FBXL20: variants seen among roughly 807,000 people sequenced by gnomAD.
FBXL20 encodes F-box and leucine rich repeat protein 20, also known as F-box/LRR-repeat protein 20.
Under a neutral mutation model 64.0 loss-of-function variants are expected in FBXL20, and 11 were observed. The observed-to-expected ratio is 0.17, with a 90% CI of 0.11 to 0.28. The LOEUF is 0.28. FBXL20 is among the 10% of genes least tolerant of loss of function. The pLI is 1.00. For missense variants in FBXL20, 303 were observed against 526.2 expected, an observed-to-expected ratio of 0.58 and a Z score of 4.15; for synonymous variants, 184 against 189.0, an observed-to-expected ratio of 0.97 and a Z score of 0.22.
chr17:39,288,006 C>A (rs1018647150), intron 6 of FBXL20, among the ~76,000 whole-genome samples: 1 of 150,284 alleles, frequency 6.7e-6, no homozygotes, highest in African/African-American at 2.5e-5. Flanking sequence ...CTCTGTCACC[C>A]GGGCTGGAGT....
chr17:39,300,166 T>C (rs1162175245), intron 4 of FBXL20, among the ~76,000 whole-genome samples: 1 of 152,174 alleles, frequency 6.6e-6, no homozygotes, highest in Non-Finnish European at 1.5e-5. Flanking sequence ...TTTACATCCA[T>C]GAAGGGTATA....
intron 2 of FBXL20, among the ~76,000 whole-genome samples, chr17:39,309,165 T>C (rs758985433): frequency 6.6e-6 from 1 of 152,230 alleles, no homozygotes; most frequent in Non-Finnish European, 1.5e-5. Context: ...AAAAGTTACT[T>C]TGCACACAAA....
intron 2 of FBXL20, among the ~76,000 whole-genome samples, chr17:39,311,778 C>G (rs2047237307): frequency 6.6e-6 from 1 of 152,150 alleles, no homozygotes; most frequent in Non-Finnish European, 1.5e-5. Flanking sequence ...AACTCCTGAG[C>G]AATTTTTATA....
intron 1 of FBXL20, among the ~76,000 whole-genome samples, chr17:39,371,485 G>C (rs1049319697): frequency 6.6e-6 from 1 of 151,756 alleles, no homozygotes; most frequent in African/African-American, 2.4e-5. Flanking sequence ...GAAGGAGATG[G>C]GGAACTACAC....
chr17:39,274,912 T>C (rs1326482307), intron 10 of FBXL20, 58 bp downstream of exon 10: 2 of 1,603,512 alleles, frequency 1.2e-6, no homozygotes, highest in Non-Finnish European at 8.5e-7. Flanking sequence ...AAGGAAGAAA[T>C]ATGGGTGAAG....
intron 5 of FBXL20, among the ~76,000 whole-genome samples, chr17:39,297,697 C>T (rs2047098624): frequency 1.3e-5 from 2 of 152,074 alleles, no homozygotes; most frequent in South Asian, 4.1e-4. Flanking sequence ...ACCTCAGCCT[C>T]CCTAAATGCT....
At chr17:39,402,484 C>T (rs955713378), upstream of FBXL20, 55 of 183,308 alleles carry the variant, frequency 3.0e-4, no homozygotes, top group African/African-American at 1.3e-3. Flanking sequence ...GGCCGGGGGT[C>T]GGGGGTGCAG....
chr17:39,380,986 C>A (rs951495879), intron 1 of FBXL20, among the ~76,000 whole-genome samples: 1 of 151,732 alleles, frequency 6.6e-6, no homozygotes, highest in African/African-American at 2.4e-5. Flanking sequence ...ATGGTGAAAC[C>A]CCGTCTCTAC....
chr17:39,317,029 A>G (rs894122319), intron 2 of FBXL20, among the ~76,000 whole-genome samples: 5 of 152,194 alleles, frequency 3.3e-5, no homozygotes, highest in Non-Finnish European at 7.4e-5. Context: ...AACCAAACAT[A>G]AGATGTTCTT....
intron 1 of FBXL20, among the ~76,000 whole-genome samples, chr17:39,349,584 C>T (rs2047667709): frequency 6.6e-6 from 1 of 150,608 alleles, no homozygotes; most frequent in South Asian, 2.1e-4. Context: ...GAGACCCCAC[C>T]TCTGGAAAAA....
intron 1 of FBXL20, among the ~76,000 whole-genome samples, chr17:39,343,695 CTTTTT>C (rs66827882): frequency 1.5e-5 from 2 of 134,596 alleles, no homozygotes; most frequent in Non-Finnish European, 1.6e-5. Flanking sequence ...GGCGAAAACT[CTTTTT>C]TTTTTTTTTT....
chr17:39,333,717 C>T (rs926883043), intron 2 of FBXL20, among the ~76,000 whole-genome samples: 3 of 151,842 alleles, frequency 2.0e-5, no homozygotes, highest in Non-Finnish European at 4.4e-5. Context: ...TCTGCCCGGC[C>T]GCCCATCATC....
chr17:39,304,758 ATTT>A (rs1309900462), intron 2 of FBXL20, among the ~76,000 whole-genome samples: 1 of 151,284 alleles, frequency 6.6e-6, no homozygotes, highest in East Asian at 1.9e-4. Context: ...TGCTCAGCTA[ATTT>A]TTTTTTGTTG....
At chr17:39,316,294 T>TGCAC (rs1555607968) in intron 2 of FBXL20, among the ~76,000 whole-genome samples, 19 of 150,110 alleles carry the variant, frequency 1.3e-4, no homozygotes, top group Admixed American at 1.1e-3. Flanking sequence ...CATCTACATA[T>TGCAC]ACACACACAC....
intron 2 of FBXL20, among the ~76,000 whole-genome samples, chr17:39,322,420 G>A (rs917795034): frequency 1.3e-5 from 2 of 151,994 alleles, no homozygotes; most frequent in African/African-American, 2.4e-5. Context: ...GAACATCTAA[G>A]GTGAATACAT....
intron 13 of FBXL20, among the ~76,000 whole-genome samples, chr17:39,265,044 T>A (rs948377939): frequency 1.3e-5 from 2 of 152,198 alleles, no homozygotes; most frequent in African/African-American, 4.8e-5. Flanking sequence ...TTACGACCAG[T>A]AACATTACAT....
chr17:39,321,905 C>A (rs1398588247), intron 2 of FBXL20, among the ~76,000 whole-genome samples: 3 of 151,870 alleles, frequency 2.0e-5, no homozygotes, highest in Non-Finnish European at 2.9e-5. Context: ...TTACCATATT[C>A]CTAAAAAATC....
intron 1 of FBXL20, among the ~76,000 whole-genome samples, chr17:39,391,920 G>T (rs552298621): frequency 2.6e-5 from 4 of 151,702 alleles, no homozygotes; most frequent in African/African-American, 4.8e-5. Flanking sequence ...AAGGTGGGTG[G>T]ATCACAAGGC....
intron 1 of FBXL20, among the ~76,000 whole-genome samples, chr17:39,381,818 C>T (rs1332360456): frequency 1.3e-5 from 2 of 151,202 alleles, no homozygotes; most frequent in East Asian, 3.9e-4. Flanking sequence ...AAAAAAAGGC[C>T]GGGCACAGTG....
Sources: gnomAD v4.1 joint callset for allele counts (sites outside exome capture counted in the v4.1 genomes callset) on GRCh38, gnomAD v4.1.1 for gene constraint, MANE v1.5 for transcripts, NCBI Gene and HGNC (gene_info 2026-07-23, HGNC 2026-07-21) for gene names.